Variants in ARHGEF28 observed in about 807,000 individuals in gnomAD.
ARHGEF28 encodes 190 kDa guanine nucleotide exchange factor.
A neutral mutation model predicts 206.6 loss-of-function variants in ARHGEF28; 152 were observed. The ratio of observed to expected loss-of-function variants is 0.74; its 90% CI spans 0.64 to 0.84. The LOEUF (loss-of-function observed/expected upper bound fraction) is 0.84. ARHGEF28 is among the 40% of genes least tolerant of loss of function. ARHGEF28 has a pLI of 0.00. For missense variants in ARHGEF28, 2,028 were observed against 2,073.2 expected, an observed-to-expected ratio of 0.98 and a Z score of 0.42; for synonymous variants, 763 against 776.4, an observed-to-expected ratio of 0.98 and a Z score of 0.29.
chr5:73,869,998 G>C (rs1389439997), intron 20 of ARHGEF28, 71 bp from the exon 21 acceptor site: 4 of 1,515,314 alleles, frequency 2.6e-6, no homozygotes, highest in Admixed American at 4.1e-5. Flanking sequence ...GGAATCCATA[G>C]ACAAATATAC....
At chr5:73,632,077 C>G (rs372777363) in intron 1 of ARHGEF28, among the ~76,000 whole-genome samples, 1 of 152,138 alleles carries the variant, frequency 6.6e-6, no homozygotes, top group Non-Finnish European at 1.5e-5. Context: ...AGAATATACA[C>G]GTGTTGGTCA....
chr5:73,765,872 G>A (rs551939376), intron 4 of ARHGEF28, among the ~76,000 whole-genome samples: 5 of 152,294 alleles, frequency 3.3e-5, no homozygotes, highest in Admixed American at 1.3e-4. Flanking sequence ...CGTATTGTGG[G>A]CTGGGCGCGG....
intron 2 of ARHGEF28, among the ~76,000 whole-genome samples, chr5:73,737,517 C>CTTTTCTTTT (rs1389356415): frequency 8.7e-6 from 1 of 114,862 alleles, no homozygotes; most frequent in Non-Finnish European, 1.8e-5. Flanking sequence ...CTTTTCTTTT[C>CTTTTCTTTT]TTTTCTTTTT....
Position 73,882,510 on chromosome 5 carries a change from T to C in ARHGEF28, c.2853T>C (p.Tyr951=), listed in dbSNP as rs1460222965. The change falls in exon 23 of 36, where the codon TAT becomes TAC. Residue 951 remains tyrosine (Y), a synonymous_variant. Coordinates refer to ENST00000513042, the MANE Select transcript of ARHGEF28 (RefSeq NM_001177693.2). The part of the protein sequence containing the change: ...EENASKMKKI[Y]GEFCCHHKEA... The stretch of plus-strand genomic sequence containing the variant: ...ATGCAAGTAAAATGAAGAAAATATA[T>C]GGAGAATTCTGTTGCCATCATAAAG... The C allele has an allele frequency of 4.7e-6, 7 of 1,483,094 alleles. No homozygotes were observed. The highest frequency in any genetic ancestry group is 3.9e-5 in the South Asian group (3 of 75,954). 91.9% of individuals were successfully genotyped at this position (1,483,094 alleles called of 1,614,324 possible).
intron 1 of ARHGEF28, among the ~76,000 whole-genome samples, chr5:73,639,313 CT>C (rs1743926055): frequency 1.3e-5 from 2 of 150,212 alleles, no homozygotes; most frequent in South Asian, 4.2e-4. Flanking sequence ...TAGAAATCAT[CT>C]TTTTCTAAAT....
rs147167461 is a variant in ARHGEF28 at position 73,849,295 on chromosome 5, C to T, written c.1747+208C>T. ...ATCAGATTTGATTTTGATGAAATTA[C>T]AAATACATGCACACCTCTCTGTTAC... On this transcript the variant is annotated intron_variant, in intron 13 of 35. Transcript: ENST00000513042. 1,442 of 516,182 alleles carry T rather than the reference C, an allele frequency of 2.8e-3. 29 individuals are homozygous for T. The East Asian group carries it at 0.036, about 13-fold the overall frequency. 32.0% of individuals were successfully genotyped at this position (516,182 alleles called of 1,614,324 possible).
chr5:73,736,045 G>A (rs755150085), intron 2 of ARHGEF28, among the ~76,000 whole-genome samples: 15 of 152,144 alleles, frequency 9.9e-5, no homozygotes, highest in African/African-American at 1.4e-4. Context: ...AGGTCTTGTC[G>A]TCTTCATACC....
At chr5:73,686,611 C>T (rs980730000) in intron 2 of ARHGEF28, among the ~76,000 whole-genome samples, 5 of 151,330 alleles carry the variant, frequency 3.3e-5, no homozygotes, top group Admixed American at 1.3e-4. Context: ...CTCCGTCTCC[C>T]GGGTTCACGC....
chr5:73,931,693 A>C (rs998836645), intron 35 of ARHGEF28, among the ~76,000 whole-genome samples: 13 of 152,160 alleles, frequency 8.5e-5, no homozygotes, highest in Non-Finnish European at 1.8e-4. Context: ...TGTGGCTGAA[A>C]TGTCTCTTAA....
At chr5:73,906,438 G>A (rs1365826164) in intron 33 of ARHGEF28, among the ~76,000 whole-genome samples, 1 of 152,116 alleles carries the variant, frequency 6.6e-6, no homozygotes, top group East Asian at 1.9e-4. Flanking sequence ...CCAGGCTGCA[G>A]TCTAACTCCT....
intron 1 of ARHGEF28, among the ~76,000 whole-genome samples, chr5:73,671,455 G>A (rs1746295191): frequency 6.6e-6 from 1 of 151,756 alleles, no homozygotes; most frequent in Admixed American, 6.6e-5. Flanking sequence ...GAACTTTTGG[G>A]CTTTTGTACC....
chr5:73,782,889 C>T (rs1024547178), intron 7 of ARHGEF28, among the ~76,000 whole-genome samples: 1 of 152,126 alleles, frequency 6.6e-6, no homozygotes, highest in East Asian at 1.9e-4. Flanking sequence ...TTACAAGGGC[C>T]TATGGCAATG....
chr5:73,801,511 A>G (rs557753135), intron 9 of ARHGEF28, among the ~76,000 whole-genome samples: 7 of 152,170 alleles, frequency 4.6e-5, no homozygotes, highest in Non-Finnish European at 1.0e-4. Flanking sequence ...GCATCTTAGA[A>G]GCTGTGACCC....
intron 2 of ARHGEF28, among the ~76,000 whole-genome samples, chr5:73,702,430 C>T (rs1442053714): frequency 2.0e-5 from 3 of 152,172 alleles, no homozygotes; most frequent in African/African-American, 7.2e-5. Flanking sequence ...ACTCCTCATC[C>T]TTCCTTTTAC....
chr5:73,891,960 C>T, intron 26 of ARHGEF28, 92 bp from the exon 27 acceptor site: 3 of 1,180,976 alleles, frequency 2.5e-6, no homozygotes, highest in Non-Finnish European at 3.6e-6. Flanking sequence ...GAAAGGTTTA[C>T]CTAGTACTCT....
chr5:73,881,547 G>T (rs922270046), intron 22 of ARHGEF28, among the ~76,000 whole-genome samples: 4 of 152,120 alleles, frequency 2.6e-5, no homozygotes, highest in Non-Finnish European at 5.9e-5. Context: ...TTGAATGATT[G>T]TAAGTGGTTT....
At chr5:73,923,357 C>G (rs1156792769) in intron 35 of ARHGEF28, among the ~76,000 whole-genome samples, 1 of 152,148 alleles carries the variant, frequency 6.6e-6, no homozygotes, top group Non-Finnish European at 1.5e-5. Context: ...AGTCCGTTAC[C>G]TTCATGAATA....
Position 73,659,005 on chromosome 5 carries a change from A to ACACACC in ARHGEF28, c.-11-25835_-11-25834insACACCC, listed in dbSNP as rs1211713040. Among the ~76,000 whole-genome samples, 51 of 145,800 alleles carry ACACACC rather than the reference A, an allele frequency of 3.5e-4. 1 individual carries two copies. Among genetic ancestry groups the ACACACC allele is most frequent in the African/African-American group, 7.0e-4 (27 of 38,594 alleles). ...CACACACACACACACACACACACACACCACACTCACAGGCAGGGGACTGTA... is the reference window on the plus strand; with the variant it reads ...CACACACACACACACACACACACACACACACCCCACACTCACAGGCAGGGGACTGTA... On this transcript the variant is annotated intron_variant, in intron 1 of 35. Transcript: ENST00000513042.
At chr5:73,893,882 C>T (rs897864940) in intron 28 of ARHGEF28, among the ~76,000 whole-genome samples, 12 of 152,122 alleles carry the variant, frequency 7.9e-5, no homozygotes, top group Non-Finnish European at 1.5e-4. Context: ...AGTTAAGGTC[C>T]CTTTGAGCTT....
Sources: allele counts gnomAD v4.1 joint callset (sites outside exome capture counted in the v4.1 genomes callset), GRCh38; gene constraint gnomAD v4.1.1; transcripts MANE v1.5; gene names NCBI Gene and HGNC (gene_info 2026-07-23, HGNC 2026-07-21).